The following HHAT variants were observed in gnomAD, a reference collection of about 807,000 sequenced individuals.
HHAT encodes the protein hedgehog acyltransferase.
Under a neutral mutation model 70.8 loss-of-function variants are expected in HHAT, and 47 were observed. That is an observed-to-expected ratio of 0.66 (90% CI 0.53 to 0.85). HHAT has a LOEUF of 0.85. Ranked by LOEUF, HHAT falls within the 40% of genes least tolerant of loss-of-function variation. The pLI is 0.00. For synonymous variants in HHAT, 228 were observed against 247.6 expected, an observed-to-expected ratio of 0.92 and a Z score of 0.74; for missense variants, 609 against 604.8, an observed-to-expected ratio of 1.01 and a Z score of -0.07.
intron 3 of HHAT, among the ~76,000 whole-genome samples, chr1:210,379,099 A>G (rs927585133): frequency 8.5e-5 from 13 of 152,234 alleles, no homozygotes; most frequent in African/African-American, 3.1e-4. Context: ...TGTACACAAC[A>G]TCTGCTGCCA....
chr1:210,538,596 T>C (rs1207319524), intron 9 of HHAT, among the ~76,000 whole-genome samples: 5 of 152,158 alleles, frequency 3.3e-5, no homozygotes, highest in Non-Finnish European at 7.3e-5. Context: ...AAAATACTCC[T>C]ATGAGGAAGA....
chr1:210,543,818 C>T (rs936944742), intron 9 of HHAT, among the ~76,000 whole-genome samples: 34 of 152,148 alleles, frequency 2.2e-4, no homozygotes, highest in African/African-American at 8.2e-4. Flanking sequence ...GCAACATCCT[C>T]AGAAACCTTG....
Position 210,329,243 on chromosome 1 carries a change from G to C in HHAT, c.-44+139G>C, listed in dbSNP as rs908209739. On this transcript the variant is annotated intron_variant, in intron 1 of 11. Coordinates refer to ENST00000261458, the MANE Select transcript of HHAT (RefSeq NM_018194.6). ...TTCCCGTGTGCGCGCCCGAGGGCGG[G>C]ACAGAGGAAGTTCCCGGTCGGGCGA... 2.1e-5 allele frequency: 26 copies of C among 1,229,084 alleles called. No individual in the cohort carries two copies. In the African/African-American group the frequency reaches 2.5e-4, roughly 12 times the overall value. The allele number at this position is 1,229,084 out of a possible 1,614,324, so 76.1% of individuals were successfully genotyped here.
At chr1:210,649,367 C>T (rs377624609) in intron 11 of HHAT, among the ~76,000 whole-genome samples, 14 of 152,358 alleles carry the variant, frequency 9.2e-5, no homozygotes, top group East Asian at 3.9e-4. Context: ...CAAAATAAGC[C>T]GTGGCTTCAC....
At chr1:210,593,484 A>G (rs6540605) in intron 10 of HHAT, among the ~76,000 whole-genome samples, 144,840 of 152,240 alleles carry the variant, frequency 0.95, 69,277 homozygotes, top group East Asian at 1. Context: ...ATAGTTTCCA[A>G]AATTCCTCTT....
At position 210,630,879 on chromosome 1, in the gene HHAT, C is replaced by T. The variant is rs576723585; in HGVS notation, c.1390+7209C>T. On this transcript the variant is annotated intron_variant, in intron 11 of 11. Transcript: ENST00000261458. ...TCTTCCTAGTGGACAGCCGTGGAGG[C>T]GGGGGGCCAGCTCAGAGGAAGGCAG... 253 of 366,470 alleles carry T rather than the reference C, an allele frequency of 6.9e-4. 2 individuals carry two copies. Among genetic ancestry groups the T allele is most frequent in the African/African-American group, 4.6e-3 (215 of 46,994 alleles). The allele number at this position is 366,470 out of a possible 1,614,324, so 22.7% of individuals were successfully genotyped here.
At chr1:210,360,846 C>CTTTTTTTTTT (rs3036585) in intron 2 of HHAT, among the ~76,000 whole-genome samples, 1 of 124,300 alleles carries the variant, frequency 8.0e-6, no homozygotes, top group African/African-American at 3.3e-5. Flanking sequence ...ATTAACTTCA[C>CTTTTTTTTTT]TTTTTTTTTT....
intron 2 of HHAT, among the ~76,000 whole-genome samples, chr1:210,352,015 C>G (rs1384164872): frequency 1.3e-5 from 2 of 152,130 alleles, no homozygotes; most frequent in East Asian, 3.8e-4. Flanking sequence ...CATGAGGACA[C>G]TGAGGCTCAA....
chr1:210,414,909 T>C (rs2148258974), intron 6 of HHAT, among the ~76,000 whole-genome samples: 1 of 152,082 alleles, frequency 6.6e-6, no homozygotes, highest in African/African-American at 2.4e-5. Context: ...TTCCAGCTAC[T>C]TGGGAGGCTA....
chr1:210,660,722 G>A lies in HHAT; in HGVS notation c.1391-13566G>A, dbSNP rs576529544. 1.5e-4 allele frequency among the ~76,000 whole-genome samples: 23 copies of A among 152,164 alleles called. No homozygotes were observed. The South Asian group carries it at 4.8e-3, about 32-fold the overall frequency. Reference sequence around the variant, plus strand: ...GTACTGGTACCAAAACAGAGATATAGACCAATGGAACAGAACAGACACCTC... The same window carrying A: ...GTACTGGTACCAAAACAGAGATATAAACCAATGGAACAGAACAGACACCTC... On this transcript the variant is annotated intron_variant, in intron 11 of 11. Coordinates refer to ENST00000261458, the MANE Select transcript of HHAT (RefSeq NM_018194.6).
intron 3 of HHAT, among the ~76,000 whole-genome samples, chr1:210,373,965 A>G (rs1222699771): frequency 6.6e-6 from 1 of 152,172 alleles, no homozygotes; most frequent in African/African-American, 2.4e-5. Flanking sequence ...AGCAAGTCAG[A>G]TGTCACCAGG....
chr1:210,599,237 C>T (rs1443767115), intron 10 of HHAT, among the ~76,000 whole-genome samples: 1 of 152,160 alleles, frequency 6.6e-6, no homozygotes, highest in Non-Finnish European at 1.5e-5. Context: ...CAGTATCTCC[C>T]ATATGGCTAA....
chr1:210,416,207 T>C (rs1408439189), intron 6 of HHAT, among the ~76,000 whole-genome samples: 1 of 152,178 alleles, frequency 6.6e-6, no homozygotes, highest in Non-Finnish European at 1.5e-5. Flanking sequence ...TGCCTGCCAC[T>C]CTCCTGGCTG....
rs144427110 is a variant in HHAT, at chr1:210,597,041, C to T, written c.1245+8942C>T. Among the ~76,000 whole-genome samples the T allele has an allele frequency of 1.6e-4, 24 of 152,286 alleles. 1 individual carries two copies. The highest frequency in any genetic ancestry group is 2.1e-4 in the South Asian group (1 of 4,816). ...GGTTGCTCTAACTGTATTTGCATTA[C>T]GGGGCACCCCATGTCCAGTAATACT... is the stretch of plus-strand genomic sequence containing the variant. On this transcript the variant is annotated intron_variant, in intron 10 of 11. Coordinates refer to ENST00000261458, the MANE Select transcript of HHAT (RefSeq NM_018194.6).
In HHAT at chr1:210,386,230, C is replaced by CTTTCTTTT. The variant is rs1324452281; in HGVS notation, c.160-1235_160-1234insCTTTTTTT. On this transcript the variant is annotated intron_variant, in intron 3 of 11. Coordinates refer to ENST00000261458, the MANE Select transcript of HHAT (RefSeq NM_018194.6). The stretch of plus-strand genomic sequence containing the variant: ...ATTGCAGGAGTCCTTTTCTTTTTTT[C>CTTTCTTTT]TTTTTTTTTTTTTTTTTTTTTTTTT... 1.3e-4 allele frequency among the ~76,000 whole-genome samples: 9 copies of CTTTCTTTT among 69,924 alleles called. 1 individual carries two copies. Among genetic ancestry groups the CTTTCTTTT allele is most frequent in the East Asian group, 4.8e-4 (1 of 2,080 alleles). The allele number at this position is 69,924 out of a possible 152,430, so 45.9% of individuals were successfully genotyped here. A position where few individuals can be genotyped will look rare whatever the true frequency, so the allele number is the denominator to read the frequency against.
rs77271181 is a variant in HHAT at position 210,604,013 on chromosome 1, G to T, written c.1245+15914G>T. ...GTCTGCGGAAGGGTGGGAAGCAAGG[G>T]TATAATATAAAAGGTGAAGTTCATC... On this transcript the variant is annotated intron_variant, in intron 10 of 11. Coordinates refer to ENST00000261458, the MANE Select transcript of HHAT (RefSeq NM_018194.6). 5.3e-5 allele frequency among the ~76,000 whole-genome samples: 8 copies of T among 152,304 alleles called. No homozygotes were observed. The East Asian group carries it at 1.5e-3, about 29-fold the overall frequency.
intron 8 of HHAT, among the ~76,000 whole-genome samples, chr1:210,507,739 G>A (rs563938694): frequency 2.4e-4 from 36 of 152,022 alleles, no homozygotes; most frequent in Non-Finnish European, 4.9e-4. Context: ...CCCCACCCCT[G>A]AACTCTTTGG....
intron 11 of HHAT, among the ~76,000 whole-genome samples, chr1:210,670,715 G>A (rs1202578632): frequency 1.3e-5 from 2 of 152,176 alleles, no homozygotes; most frequent in Admixed American, 6.5e-5. Context: ...GTAGGAAGGT[G>A]TGTGCTTTAA....
At chr1:210,577,105 G>C (rs867382992) in intron 9 of HHAT, among the ~76,000 whole-genome samples, 1 of 149,762 alleles carries the variant, frequency 6.7e-6, no homozygotes, top group Admixed American at 6.7e-5. Context: ...GGTTTTTTAC[G>C]TATAAGATCA....
Sources: allele counts gnomAD v4.1 joint callset (sites outside exome capture counted in the v4.1 genomes callset), GRCh38; gene constraint gnomAD v4.1.1; transcripts MANE v1.5; gene names NCBI Gene and HGNC (gene_info 2026-07-23, HGNC 2026-07-21).